The following NCALD variants were observed in gnomAD, a reference collection of about 807,000 sequenced individuals.
The protein encoded by NCALD is neurocalcin delta.
In NCALD, 10 loss-of-function variants were observed where a neutral mutation model predicts 18.6. That is an observed-to-expected ratio of 0.54 (90% CI 0.33 to 0.91). The LOEUF is 0.91. Among genes scored for constraint, NCALD ranks in the 40% least tolerant of loss-of-function variants. The probability of loss-of-function intolerance (pLI) is 0.03; values close to 1 mark genes in which losing one functional copy is unlikely to be tolerated. For synonymous variants in NCALD, 88 were observed against 87.4 expected, an observed-to-expected ratio of 1.01 and a Z score of -0.04; for missense variants, 184 against 247.6, an observed-to-expected ratio of 0.74 and a Z score of 1.72.
intron 1 of NCALD, 32 bp from the exon 2 acceptor site, chr8:101,719,680 G>A (rs752528668): frequency 4.6e-6 from 7 of 1,512,600 alleles, no homozygotes; most frequent in Middle Eastern, 1.8e-4. Context: ...TATATAATTT[G>A]TAGAGCTGCT....
At chr8:102,070,965 C>T (rs549120) in intron 1 of NCALD, among the ~76,000 whole-genome samples, 151,344 of 152,234 alleles carry the variant, frequency 0.99, 75,249 homozygotes, top group Middle Eastern at 1. Context: ...AAGTTGAAAA[C>T]TTCCCAGGCT....
intron 2 of NCALD, among the ~76,000 whole-genome samples, chr8:101,988,010 C>T (rs1473932189): frequency 6.6e-6 from 1 of 151,904 alleles, no homozygotes; most frequent in Non-Finnish European, 1.5e-5. Context: ...AAAAAATTAG[C>T]CGGGCGTAGT....
intron 2 of NCALD, among the ~76,000 whole-genome samples, chr8:101,929,214 T>TAAAGAAGGG (rs1402323510): frequency 2.7e-4 from 32 of 117,244 alleles, no homozygotes; most frequent in African/African-American, 1.1e-3. Context: ...TTCTAGCCCC[T>TAAAGAAGGG]AAAGAAGGGG....
intron 2 of NCALD, among the ~76,000 whole-genome samples, chr8:102,005,578 G>A (rs1425424688): frequency 6.6e-5 from 10 of 152,228 alleles, no homozygotes; most frequent in South Asian, 2.1e-4. Context: ...ATATGCACAC[G>A]TATGTTTATT....
chr8:101,980,454 C>G (rs1274166010), intron 2 of NCALD, among the ~76,000 whole-genome samples: 1 of 152,104 alleles, frequency 6.6e-6, no homozygotes, highest in Non-Finnish European at 1.5e-5. Context: ...TAGGATCAGA[C>G]CCACGCTTCG....
intron 1 of NCALD, among the ~76,000 whole-genome samples, chr8:102,093,848 A>G (rs372908490): frequency 7.2e-5 from 11 of 152,150 alleles, no homozygotes; most frequent in African/African-American, 2.4e-4. Flanking sequence ...ATCAAACACA[A>G]TTCCTAACTG....
chr8:101,769,430 C>T (rs557268217), intron 1 of NCALD, among the ~76,000 whole-genome samples: 1 of 152,098 alleles, frequency 6.6e-6, no homozygotes, highest in African/African-American at 2.4e-5. Flanking sequence ...AATATACTAC[C>T]TATAAGCTTT....
chr8:101,744,462 G>T (rs6987380), intron 1 of NCALD, among the ~76,000 whole-genome samples: 93,556 of 152,166 alleles, frequency 0.61, 31,336 homozygotes, highest in Non-Finnish European at 0.75. Context: ...CCAAAGTAAC[G>T]GAGAAGTCTC....
intron 4 of NCALD, among the ~76,000 whole-genome samples, chr8:101,867,338 C>T (rs938735304): frequency 6.6e-6 from 1 of 152,174 alleles, no homozygotes; most frequent in East Asian, 1.9e-4. Context: ...ACCTAAATAT[C>T]AACTCCATAA....
At position 102,007,239 on chromosome 8, in the gene NCALD, A is replaced by G. The variant is rs147382468; in HGVS notation, c.-157+12998T>C. ...CCAATGTTTATTTATTAATTTTGAC[A>G]AATTATTTGGTCTATAAGAAGTTAG... On this transcript the variant is annotated intron_variant, in intron 2 of 6. Coordinates refer to the NCALD transcript ENST00000311028. 5.3e-4 allele frequency among the ~76,000 whole-genome samples: 80 copies of G among 152,342 alleles called. No individual in the cohort carries two copies. The East Asian group carries it at 0.012, about 22-fold the overall frequency.
chr8:101,769,362 C>T (rs1811486624), intron 1 of NCALD, among the ~76,000 whole-genome samples: 1 of 152,160 alleles, frequency 6.6e-6, no homozygotes, highest in South Asian at 2.1e-4. Flanking sequence ...TTTCAAACAG[C>T]TCATTAGTGA....
At chr8:101,709,682 C>T in intron 2 of NCALD, among the ~76,000 whole-genome samples, 1 of 152,172 alleles carries the variant, frequency 6.6e-6, no homozygotes. Context: ...CACTTGCTTG[C>T]TTGGTTGATC....
intron 4 of NCALD, among the ~76,000 whole-genome samples, chr8:101,850,632 G>A (rs1296240543): frequency 6.6e-6 from 1 of 152,126 alleles, no homozygotes; most frequent in African/African-American, 2.4e-5. Context: ...TAAGGTAGAA[G>A]ATATAGAACA....
intron 4 of NCALD, among the ~76,000 whole-genome samples, chr8:101,845,147 G>A (rs539519611): frequency 1.3e-5 from 2 of 152,324 alleles, no homozygotes; most frequent in East Asian, 1.9e-4. Context: ...GTCTATGAAC[G>A]ATTTGTTTCT....
intron 4 of NCALD, among the ~76,000 whole-genome samples, chr8:101,866,224 T>C (rs1401095430): frequency 7.2e-5 from 11 of 152,214 alleles, no homozygotes; most frequent in Admixed American, 5.2e-4. Flanking sequence ...CACAAAATGA[T>C]TTCTTCTTCC....
At chr8:101,921,369 C>T (rs1682665246) in intron 2 of NCALD, among the ~76,000 whole-genome samples, 1 of 151,370 alleles carries the variant, frequency 6.6e-6, no homozygotes, top group Non-Finnish European at 1.5e-5. Context: ...TTCTAAAATC[C>T]TTTTTTATTA....
At chr8:101,747,781 G>C (rs962821865) in intron 1 of NCALD, among the ~76,000 whole-genome samples, 4 of 150,354 alleles carry the variant, frequency 2.7e-5, no homozygotes, top group African/African-American at 4.9e-5. Flanking sequence ...GCAATGGCAC[G>C]ATCTCAGCTC....
At chr8:102,055,039 G>A (rs1182404347) in intron 1 of NCALD, among the ~76,000 whole-genome samples, 2 of 151,754 alleles carry the variant, frequency 1.3e-5, no homozygotes, top group Non-Finnish European at 2.9e-5. Flanking sequence ...GCCACTGTGA[G>A]GAGCAATCTG....
chr8:101,973,519 C>T (rs1488028479), intron 2 of NCALD, among the ~76,000 whole-genome samples: 3 of 152,178 alleles, frequency 2.0e-5, no homozygotes, highest in Non-Finnish European at 2.9e-5. Flanking sequence ...ATATTTAACC[C>T]TAAACTATCT....
Sources: allele counts gnomAD v4.1 joint callset (sites outside exome capture counted in the v4.1 genomes callset), GRCh38; gene constraint gnomAD v4.1.1; transcripts MANE v1.5; gene names NCBI Gene and HGNC (gene_info 2026-07-23, HGNC 2026-07-21).